The following MYO5B variants were observed in gnomAD, a reference collection of about 807,000 sequenced individuals.
MYO5B encodes the protein unconventional myosin-Vb.
A neutral mutation model predicts 229.3 loss-of-function variants in MYO5B; 143 were observed. The ratio of observed to expected loss-of-function variants is 0.62; its 90% confidence interval spans 0.54 to 0.72. The LOEUF is 0.72. Among genes scored for constraint, MYO5B ranks in the 30% least tolerant of loss-of-function variants. MYO5B has a pLI of 0.00. For missense variants in MYO5B, 2,321 were observed against 2,331.0 expected (o/e 1.00, Z 0.09); for synonymous variants, 918 against 885.2 (o/e 1.04, Z -0.66).
chr18:49,848,356 G>T (rs1436561302), intron 32 of MYO5B, among the ~76,000 whole-genome samples: 1 of 151,962 alleles, frequency 6.6e-6, no homozygotes, highest in Non-Finnish European at 1.5e-5. Context: ...GAAGAGGTGG[G>T]ATGAAGGGCG....
At chr18:50,175,239 C>A (rs1190785033) in intron 1 of MYO5B, among the ~76,000 whole-genome samples, 1 of 152,202 alleles carries the variant, frequency 6.6e-6, no homozygotes, top group Non-Finnish European at 1.5e-5. Context: ...TCTTTACTTT[C>A]ACTCTCCTCC....
At chr18:50,047,228 C>G (rs533938570) in intron 2 of MYO5B, among the ~76,000 whole-genome samples, 5 of 150,742 alleles carry the variant, frequency 3.3e-5, no homozygotes, top group East Asian at 2.0e-4. Flanking sequence ...ACAATGAACT[C>G]TAACAAATTT....
chr18:50,187,350 C>T lies in MYO5B; in HGVS notation c.27+7417G>A, dbSNP rs561179306. On this transcript the variant is annotated intron_variant, in intron 1 of 39. Transcript: ENST00000285039. ...GCTTAACCAAGGGATCAAAGTGATC[C>T]GTCAGTAACAGGACACATTGATATC... is the stretch of plus-strand genomic sequence containing the variant. Among the ~76,000 whole-genome samples, 17 of 152,240 alleles carry T rather than the reference C, an allele frequency of 1.1e-4. No individual in the cohort carries two copies. The South Asian group carries it at 1.2e-3, about 11-fold the overall frequency.
intron 22 of MYO5B, among the ~76,000 whole-genome samples, chr18:49,892,624 T>C (rs1259617941): frequency 6.6e-6 from 1 of 152,198 alleles, no homozygotes; most frequent in African/African-American, 2.4e-5. Flanking sequence ...TCAGCATTTA[T>C]TGAAATTGAC....
chr18:50,011,416 T>C (rs1041939029), intron 4 of MYO5B, among the ~76,000 whole-genome samples: 1 of 152,152 alleles, frequency 6.6e-6, no homozygotes, highest in African/African-American at 2.4e-5. Context: ...ACACTGGTAT[T>C]TCCCCAACCC....
At chr18:50,105,710 C>T (rs1280244068) in intron 1 of MYO5B, among the ~76,000 whole-genome samples, 2 of 151,692 alleles carry the variant, frequency 1.3e-5, no homozygotes, top group African/African-American at 4.8e-5. Context: ...ATACGAAACT[C>T]CCCAAAAAGG....
At chr18:49,942,386 A>AC (rs2058443728) in intron 14 of MYO5B, among the ~76,000 whole-genome samples, 1 of 106,088 alleles carries the variant, frequency 9.4e-6, no homozygotes, top group South Asian at 2.9e-4. Flanking sequence ...ACAGCAAAAA[A>AC]AAAAAAAAAA....
chr18:49,944,523 G>A (rs1351728210), intron 14 of MYO5B, among the ~76,000 whole-genome samples: 1 of 152,124 alleles, frequency 6.6e-6, no homozygotes, highest in Non-Finnish European at 1.5e-5. Context: ...GGAAGGGCAT[G>A]GGGCTGGGTC....
Position 49,822,962 on chromosome 18 carries a change from G to A in MYO5B, c.*3509C>T, listed in dbSNP as rs1205343091. 1 of 150,702 alleles carries A rather than the reference G, an allele frequency of 6.6e-6. No homozygotes were observed. The highest frequency in any genetic ancestry group is 1.5e-5 in the Non-Finnish European group (1 of 67,578). 9.3% of individuals were successfully genotyped at this position (150,702 alleles called of 1,614,324 possible). On this transcript the variant is annotated 3_prime_UTR_variant, in exon 40 of 40. Coordinates refer to ENST00000285039, the MANE Select transcript of MYO5B (RefSeq NM_001080467.3). ...TCATCAGTAGTCTTTCTTCCATGGT[G>A]TTGGATTCACCCCTGAATATGATCT...
intron 1 of MYO5B, among the ~76,000 whole-genome samples, chr18:50,101,178 T>C (rs2031647610): frequency 6.6e-6 from 1 of 152,216 alleles, no homozygotes; most frequent in Non-Finnish European, 1.5e-5. Context: ...AGGTGATAGA[T>C]GACGAGTATG....
chr18:49,841,956 T>C (rs1373039808), intron 34 of MYO5B, among the ~76,000 whole-genome samples: 1 of 152,080 alleles, frequency 6.6e-6, no homozygotes, highest in East Asian at 1.9e-4. Context: ...AAACCCTAAC[T>C]AGGTGAAAAA....
chr18:50,119,847 T>A (rs1289615137), intron 1 of MYO5B, among the ~76,000 whole-genome samples: 1 of 151,946 alleles, frequency 6.6e-6, no homozygotes, highest in Non-Finnish European at 1.5e-5. Flanking sequence ...GGAAAAAAAA[T>A]TAGTTTGCTG....
chr18:50,194,653 G>A lies in MYO5B; in HGVS notation c.27+114C>T, dbSNP rs373446883. 2.2e-4 allele frequency: 157 copies of A among 699,122 alleles called. No individual in the cohort carries two copies. In the South Asian group the frequency reaches 2.5e-3, roughly 11 times the overall value. The allele number at this position is 699,122 out of a possible 1,614,324, so 43.3% of individuals were successfully genotyped here. On this transcript the variant is annotated intron_variant, in intron 1 of 39. Coordinates refer to ENST00000285039, the MANE Select transcript of MYO5B (RefSeq NM_001080467.3). ...TGACGAGGAGGACACCGCGGAGGGGGGTCTCCCGTCACCTCCCGCCTCCAG... is the reference window on the plus strand; with the variant it reads ...TGACGAGGAGGACACCGCGGAGGGGAGTCTCCCGTCACCTCCCGCCTCCAG...
intron 10 of MYO5B, among the ~76,000 whole-genome samples, chr18:49,971,568 ATCTCCTAAGAGT>A (rs770448926): frequency 1.9e-4 from 29 of 152,154 alleles, no homozygotes; most frequent in Non-Finnish European, 3.2e-4. Flanking sequence ...GTTGATTTTA[ATCTCCTAAGAGT>A]TCTCCTAAGA....
Position 50,022,115 on chromosome 18 carries a change from G to A in MYO5B, c.455+14735C>T, listed in dbSNP as rs138336084. The stretch of plus-strand genomic sequence containing the variant: ...CTCCCTCCCCACCATTTTTTTCTCA[G>A]AGTCAGCAAATAGAACTTCCATCTA... On this transcript the variant is annotated intron_variant, in intron 4 of 39. Coordinates refer to ENST00000285039, the MANE Select transcript of MYO5B (RefSeq NM_001080467.3). Among the ~76,000 whole-genome samples the A allele has an allele frequency of 3.3e-3, 449 of 137,892 alleles. 5 individuals carry two copies. The highest frequency in any genetic ancestry group is 0.011 in the African/African-American group (427 of 38,304). 90.5% of individuals were successfully genotyped at this position (137,892 alleles called of 152,430 possible).
At chr18:50,141,498 C>T (rs150348445) in intron 1 of MYO5B, among the ~76,000 whole-genome samples, 2 of 152,304 alleles carry the variant, frequency 1.3e-5, no homozygotes, top group African/African-American at 4.8e-5. Flanking sequence ...CCTACCCTAC[C>T]ACCAGCTCCC....
chr18:49,953,377 G>T, intron 13 of MYO5B, 34 bp from the exon 14 acceptor site: 1 of 1,585,236 alleles, frequency 6.3e-7, no homozygotes, highest in Non-Finnish European at 8.7e-7. Context: ...AGACACAGTC[G>T]TTAGTGCTTC....
intron 21 of MYO5B, among the ~76,000 whole-genome samples, chr18:49,901,322 T>C (rs1329480840): frequency 1.3e-5 from 2 of 152,230 alleles, no homozygotes; most frequent in Non-Finnish European, 2.9e-5. Context: ...GGTTTGTGCA[T>C]GCATACATGT....
intron 7 of MYO5B, among the ~76,000 whole-genome samples, chr18:49,988,030 C>T (rs2025890371): frequency 6.6e-6 from 1 of 152,076 alleles, no homozygotes; most frequent in Admixed American, 6.5e-5. Flanking sequence ...TGCAATGGCC[C>T]AACAATGGGG....
Sources: allele counts gnomAD v4.1 joint callset (sites outside exome capture counted in the v4.1 genomes callset), GRCh38; gene constraint gnomAD v4.1.1; transcripts MANE v1.5; gene names NCBI Gene and HGNC (gene_info 2026-07-23, HGNC 2026-07-21).